SAMD4A: variants seen among roughly 807,000 people sequenced by gnomAD.
SAMD4A encodes the protein protein Smaug homolog 1.
In SAMD4A, 33 loss-of-function variants were observed where a neutral mutation model predicts 81.3. That is an observed-to-expected ratio of 0.41 (90% CI 0.31 to 0.54). The LOEUF (loss-of-function observed/expected upper bound fraction) is 0.54. Ranked by LOEUF, SAMD4A falls within the 20% of genes least tolerant of loss-of-function variation. The pLI is 0.37. For synonymous variants in SAMD4A, 389 were observed against 382.1 expected, an observed-to-expected ratio of 1.02 and a Z score of -0.21; for missense variants, 854 against 951.1, an observed-to-expected ratio of 0.90 and a Z score of 1.34.
At chr14:54,644,400 T>C (rs565730768) in intron 2 of SAMD4A, among the ~76,000 whole-genome samples, 1 of 152,208 alleles carries the variant, frequency 6.6e-6, no homozygotes, top group Non-Finnish European at 1.5e-5. Flanking sequence ...TAACTATTAT[T>C]GGGCACTTGT....
intron 2 of SAMD4A, among the ~76,000 whole-genome samples, chr14:54,625,069 T>G (rs1230559295): frequency 6.6e-6 from 1 of 152,200 alleles, no homozygotes; most frequent in African/African-American, 2.4e-5. Context: ...AGTTATCATT[T>G]CTTTTTTTTA....
chr14:54,676,448 C>G (rs1394478674), intron 2 of SAMD4A, among the ~76,000 whole-genome samples: 1 of 152,192 alleles, frequency 6.6e-6, no homozygotes, highest in Non-Finnish European at 1.5e-5. Flanking sequence ...TCTTGCTTGG[C>G]TCACTGTAAC....
At chr14:54,636,731 G>A (rs896481764) in intron 2 of SAMD4A, among the ~76,000 whole-genome samples, 1 of 152,126 alleles carries the variant, frequency 6.6e-6, no homozygotes, top group African/African-American at 2.4e-5. Flanking sequence ...AAAGAGAGGA[G>A]TCAGGAATTA....
intron 7 of SAMD4A, among the ~76,000 whole-genome samples, chr14:54,763,511 T>C (rs2038459058): frequency 6.6e-6 from 1 of 152,196 alleles, no homozygotes; most frequent in East Asian, 1.9e-4. Context: ...TGAGGTAGTT[T>C]ACAAGGTTTT....
chr14:54,750,212 A>T (rs570018435), intron 5 of SAMD4A, among the ~76,000 whole-genome samples: 3 of 152,340 alleles, frequency 2.0e-5, no homozygotes, highest in African/African-American at 7.2e-5. Context: ...GGCCAGCACA[A>T]CCTTTTCAGA....
At chr14:54,778,626 T>A (rs918796564) in intron 11 of SAMD4A, among the ~76,000 whole-genome samples, 36 of 152,188 alleles carry the variant, frequency 2.4e-4, no homozygotes, top group Non-Finnish European at 4.3e-4. Flanking sequence ...GTGTTTTTTT[T>A]AAAATCTCTC....
At chr14:54,572,186 T>C (rs1390931615) in intron 2 of SAMD4A, among the ~76,000 whole-genome samples, 1 of 152,134 alleles carries the variant, frequency 6.6e-6, no homozygotes, top group Admixed American at 6.5e-5. Flanking sequence ...AAATGACTAA[T>C]ATAATATCAT....
chr14:54,657,623 C>T (rs1566569860), intron 2 of SAMD4A, among the ~76,000 whole-genome samples: 2 of 152,196 alleles, frequency 1.3e-5, no homozygotes, highest in Admixed American at 6.5e-5. Context: ...GGGTTTTCTG[C>T]TTAAGGCATG....
At chr14:54,730,327 G>A (rs1021756125) in intron 3 of SAMD4A, among the ~76,000 whole-genome samples, 2 of 152,210 alleles carry the variant, frequency 1.3e-5, no homozygotes, top group South Asian at 4.1e-4. Context: ...TCCCTGTTGT[G>A]ATGTTCTTTG....
At chr14:54,630,908 ATGTGTGTGTGTGTGTGTGTGTGTGTGTG>A (rs5808786) in intron 2 of SAMD4A, among the ~76,000 whole-genome samples, 4 of 144,292 alleles carry the variant, frequency 2.8e-5, no homozygotes, top group South Asian at 2.3e-4. Flanking sequence ...TGTATTTTAT[ATGTGTGTGTGTGTGTGTGTGTGTGTGTG>A]TGTGTGTGTG....
At chr14:54,778,438 C>G (rs984257533) in intron 11 of SAMD4A, among the ~76,000 whole-genome samples, 2 of 152,170 alleles carry the variant, frequency 1.3e-5, no homozygotes, top group African/African-American at 4.8e-5. Flanking sequence ...TGCAAACCCT[C>G]TTGTTCCTGT....
chr14:54,729,286 C>T (rs2037500501), intron 3 of SAMD4A, among the ~76,000 whole-genome samples: 1 of 152,178 alleles, frequency 6.6e-6, no homozygotes, highest in Non-Finnish European at 1.5e-5. Flanking sequence ...GCATAAACCT[C>T]AGAAGCACTT....
At chr14:54,727,636 G>A (rs760847017) in intron 3 of SAMD4A, among the ~76,000 whole-genome samples, 4 of 152,276 alleles carry the variant, frequency 2.6e-5, no homozygotes, top group Non-Finnish European at 4.4e-5. Flanking sequence ...ACCTTAGCTG[G>A]GAGCAAGTGC....
intron 2 of SAMD4A, among the ~76,000 whole-genome samples, chr14:54,642,391 C>A (rs2035194854): frequency 6.6e-6 from 1 of 152,156 alleles, no homozygotes; most frequent in African/African-American, 2.4e-5. Flanking sequence ...AGAGGAGACA[C>A]AAAAGTGGAA....
intron 2 of SAMD4A, among the ~76,000 whole-genome samples, chr14:54,669,752 T>A (rs973419406): frequency 1.3e-5 from 2 of 152,224 alleles, no homozygotes; most frequent in Non-Finnish European, 2.9e-5. Flanking sequence ...AAACATATTG[T>A]GAGCTTCAGA....
intron 8 of SAMD4A, among the ~76,000 whole-genome samples, chr14:54,767,163 ATT>A (rs2038569469): frequency 6.6e-6 from 1 of 152,040 alleles, no homozygotes. Flanking sequence ...TGTCTGAATA[ATT>A]TTCCACAGCC....
At chr14:54,586,600 G>A (rs1475207157) in intron 2 of SAMD4A, among the ~76,000 whole-genome samples, 1 of 152,106 alleles carries the variant, frequency 6.6e-6, no homozygotes. Flanking sequence ...GTTGATTTTT[G>A]TATAAGGTGA....
At chr14:54,750,989 C>A (rs920951701) in intron 5 of SAMD4A, among the ~76,000 whole-genome samples, 1 of 152,138 alleles carries the variant, frequency 6.6e-6, no homozygotes, top group East Asian at 1.9e-4. Flanking sequence ...TGGCTGGGTG[C>A]GGTGGCTCAC....
intron 3 of SAMD4A, chr14:54,735,223 T>C (rs1272892155): frequency 5.3e-5 from 7 of 132,972 alleles, no homozygotes; most frequent in Non-Finnish European, 1.2e-4. Flanking sequence ...TTTTTTTTTT[T>C]CTTTCTCTGC....
Sources: gnomAD v4.1 joint callset for allele counts (sites outside exome capture counted in the v4.1 genomes callset) on GRCh38, gnomAD v4.1.1 for gene constraint, MANE v1.5 for transcripts, NCBI Gene and HGNC (gene_info 2026-07-23, HGNC 2026-07-21) for gene names.